Variants in HNF4G observed in about 807,000 individuals in gnomAD.
The protein encoded by HNF4G is hepatocyte nuclear factor 4 gamma.
HNF4G carries 21 observed loss-of-function variants against 50.9 expected under a neutral mutation model. The observed-to-expected ratio is 0.41, with a 90% CI of 0.29 to 0.59. HNF4G has a LOEUF of 0.59. Ranked by LOEUF, HNF4G falls within the 20% of genes least tolerant of loss-of-function variation. HNF4G has a pLI of 0.26. For missense variants in HNF4G, 527 were observed against 559.4 expected (o/e 0.94, Z 0.58); for synonymous variants, 198 against 185.6 (o/e 1.07, Z -0.54).
chr8:75,548,903 A>T (rs1806865358), intron 3 of HNF4G, among the ~76,000 whole-genome samples: 1 of 152,204 alleles, frequency 6.6e-6, no homozygotes, highest in Non-Finnish European at 1.5e-5. Flanking sequence ...CAAAAAATAA[A>T]GTTCACAAAA....
chr8:75,521,959 A>C (rs1224738888), intron 2 of HNF4G, among the ~76,000 whole-genome samples: 2 of 152,210 alleles, frequency 1.3e-5, no homozygotes, highest in Non-Finnish European at 1.5e-5. Flanking sequence ...CACATTCAAT[A>C]CATTCAGACT....
chr8:75,467,447 G>A (rs112007657), intron 1 of HNF4G, among the ~76,000 whole-genome samples: 5,649 of 152,242 alleles, frequency 0.037, 128 homozygotes, highest in South Asian at 0.055. Context: ...AGATCACGAG[G>A]TCAGGAGATG....
At chr8:75,440,401 G>A (rs830771) in intron 1 of HNF4G, among the ~76,000 whole-genome samples, 72,175 of 152,006 alleles carry the variant, frequency 0.47, 17,533 homozygotes, top group Middle Eastern at 0.56. Context: ...TTTCACTAAT[G>A]TCTCAGCAAT....
At chr8:75,498,766 G>A (rs1585897422) in intron 2 of HNF4G, among the ~76,000 whole-genome samples, 1 of 151,854 alleles carries the variant, frequency 6.6e-6, no homozygotes, top group African/African-American at 2.4e-5. Context: ...AAAAATCAAT[G>A]CACACTAAAA....
At chr8:75,485,497 A>G (rs1020164764) in intron 1 of HNF4G, among the ~76,000 whole-genome samples, 1 of 143,402 alleles carries the variant, frequency 7.0e-6, no homozygotes, top group Non-Finnish European at 1.5e-5. Flanking sequence ...CATTAAGCCT[A>G]TACCATAGAA....
intron 1 of HNF4G, among the ~76,000 whole-genome samples, chr8:75,479,097 A>G (rs995303545): frequency 1.3e-5 from 2 of 152,192 alleles, no homozygotes; most frequent in African/African-American, 4.8e-5. Flanking sequence ...TTATTTGTTA[A>G]GCACAGTATT....
At chr8:75,449,176 T>C (rs1254787665) in intron 1 of HNF4G, among the ~76,000 whole-genome samples, 1 of 152,208 alleles carries the variant, frequency 6.6e-6, no homozygotes, top group Non-Finnish European at 1.5e-5. Flanking sequence ...TTCAGACTGC[T>C]TCTATCTTTC....
intron 1 of HNF4G, among the ~76,000 whole-genome samples, chr8:75,485,076 T>C (rs748258976): frequency 6.6e-6 from 1 of 152,226 alleles, no homozygotes; most frequent in African/African-American, 2.4e-5. Context: ...AGGTCAAATA[T>C]GCAGAAATAT....
At chr8:75,559,129 C>A in intron 8 of HNF4G, 92 bp downstream of exon 8, 1 of 855,132 alleles carries the variant, frequency 1.2e-6, no homozygotes, top group Non-Finnish European at 1.9e-6. Context: ...TTTAATTCAT[C>A]TACTGAAGTT....
intron 2 of HNF4G, among the ~76,000 whole-genome samples, chr8:75,545,500 A>G (rs1360963565): frequency 6.6e-6 from 1 of 152,112 alleles, no homozygotes; most frequent in Non-Finnish European, 1.5e-5. Context: ...TTTAGTATTC[A>G]GCAAATGTTA....
intron 2 of HNF4G, among the ~76,000 whole-genome samples, chr8:75,504,230 GACACACACACACACACACACACACACAC>G (rs201513424): frequency 9.2e-6 from 1 of 108,304 alleles, no homozygotes; most frequent in Non-Finnish European, 1.8e-5. Flanking sequence ...AAAGCACACA[GACACACACACACACACACACACACACAC>G]ACACACACAC....
chr8:75,485,781 C>T (rs1233666767), intron 1 of HNF4G: 3 of 152,034 alleles, frequency 2.0e-5, no homozygotes, highest in Admixed American at 2.0e-4. Context: ...GGTTTTTCTT[C>T]CAGTGATTGC....
chr8:75,478,748 A>G (rs1812301417), intron 1 of HNF4G, among the ~76,000 whole-genome samples: 1 of 151,874 alleles, frequency 6.6e-6, no homozygotes, highest in Admixed American at 6.6e-5. Context: ...GATGGAGTTT[A>G]GCTCTTGTTG....
intron 1 of HNF4G, among the ~76,000 whole-genome samples, chr8:75,432,507 G>A (rs1811038903): frequency 6.6e-6 from 1 of 151,998 alleles, no homozygotes. Flanking sequence ...CAGCATGTTG[G>A]CCAGGCTGGT....
intron 1 of HNF4G, among the ~76,000 whole-genome samples, chr8:75,540,845 A>ATGTGTGTGTGTGTGTGTG (rs1428053562): frequency 5.5e-4 from 51 of 93,298 alleles, no homozygotes; most frequent in Middle Eastern, 5.1e-3. Flanking sequence ...ACTTTGGAAA[A>ATGTGTGTGTGTGTGTGTG]TGTGTATGTG....
chr8:75,536,081 G>T (rs1806454907), upstream of HNF4G, among the ~76,000 whole-genome samples: 1 of 151,820 alleles, frequency 6.6e-6, no homozygotes, highest in Non-Finnish European at 1.5e-5. Context: ...CCTAACTAGA[G>T]CTAAGATGGA....
chr8:75,470,871 A>G (rs1044015485), intron 1 of HNF4G, among the ~76,000 whole-genome samples: 2 of 152,332 alleles, frequency 1.3e-5, no homozygotes, highest in East Asian at 1.9e-4. Flanking sequence ...TAGCACTGGT[A>G]AGAGATACAA....
At chr8:75,472,181 C>T (rs943836308) in intron 1 of HNF4G, among the ~76,000 whole-genome samples, 2 of 152,146 alleles carry the variant, frequency 1.3e-5, no homozygotes, top group African/African-American at 4.8e-5. Flanking sequence ...CTTCATCCTC[C>T]TATCTCAACT....
At chr8:75,506,665 C>G (rs779945978) in intron 2 of HNF4G, among the ~76,000 whole-genome samples, 3 of 152,116 alleles carry the variant, frequency 2.0e-5, no homozygotes, top group Non-Finnish European at 4.4e-5. Flanking sequence ...CATTTAATTA[C>G]AGTTCTTAAA....
Sources: allele counts gnomAD v4.1 joint callset (sites outside exome capture counted in the v4.1 genomes callset), GRCh38; gene constraint gnomAD v4.1.1; transcripts MANE v1.5; gene names NCBI Gene and HGNC (gene_info 2026-07-23, HGNC 2026-07-21).